Variants in DGKB observed in about 807,000 individuals in gnomAD.
The protein encoded by DGKB is diacylglycerol kinase beta.
DGKB carries 67 observed loss-of-function variants against 114.3 expected under a neutral mutation model. The ratio of observed to expected loss-of-function variants is 0.59; its 90% confidence interval spans 0.48 to 0.72. The LOEUF is 0.72. Among genes scored for constraint, DGKB ranks in the 30% least tolerant of loss-of-function variants. The pLI, the probability that DGKB is intolerant of heterozygous loss-of-function variation, is 0.00. For synonymous variants in DGKB, 398 were observed against 323.1 expected (o/e 1.23, Z -2.49); for missense variants, 907 against 975.2 (o/e 0.93, Z 0.93).
intron 25 of DGKB, among the ~76,000 whole-genome samples, chr7:14,153,768 G>A (rs1782572296): frequency 6.6e-6 from 1 of 151,916 alleles, no homozygotes; most frequent in Admixed American, 6.6e-5. Flanking sequence ...AAAAAAATAG[G>A]TCACTTACAG....
intron 20 of DGKB, among the ~76,000 whole-genome samples, chr7:14,507,506 G>T (rs1429256803): frequency 6.6e-6 from 1 of 152,068 alleles, no homozygotes; most frequent in African/African-American, 2.4e-5. Context: ...AAACCATAAA[G>T]TATATGAAGA....
chr7:14,357,255 A>G (rs546605652), intron 21 of DGKB, among the ~76,000 whole-genome samples: 1 of 152,202 alleles, frequency 6.6e-6, no homozygotes, highest in South Asian at 2.1e-4. Flanking sequence ...GTCTCTAAGG[A>G]CTTGCTTTAT....
chr7:14,432,657 A>G (rs1315672654), intron 21 of DGKB, among the ~76,000 whole-genome samples: 1 of 152,144 alleles, frequency 6.6e-6, no homozygotes, highest in Non-Finnish European at 1.5e-5. Flanking sequence ...GATCTCTAAG[A>G]GTGGATCCAT....
At chr7:14,516,902 A>G (rs375116562) in intron 20 of DGKB, among the ~76,000 whole-genome samples, 1 of 152,132 alleles carries the variant, frequency 6.6e-6, no homozygotes, top group East Asian at 1.9e-4. Flanking sequence ...TACAGATTCA[A>G]TACTATTCCT....
chr7:14,857,223 TCTCTCTC>T, intron 1 of DGKB, among the ~76,000 whole-genome samples: 1 of 136,892 alleles, frequency 7.3e-6, no homozygotes, highest in Non-Finnish European at 1.6e-5. Flanking sequence ...TCTCTCTCTC[TCTCTCTC>T]TTCCACCCAA....
In DGKB at chr7:14,750,630, A is replaced by C. The variant is rs1280116462; in HGVS notation, c.168+3298T>G. Among the ~76,000 whole-genome samples, 6 of 151,952 alleles carry C rather than the reference A, an allele frequency of 3.9e-5. 1 individual carries two copies. The highest frequency in any genetic ancestry group is 3.9e-4 in the Admixed American group (6 of 15,240). On this transcript the variant is annotated intron_variant, in intron 4 of 25. Coordinates refer to ENST00000402815, the MANE Select transcript of DGKB (RefSeq NM_001350709.2). ...CATTGCTACTGGAGGTATTTTTCTA[A>C]ATAGAGAATTTAACTTGTTCACCTA...
intron 5 of DGKB, among the ~76,000 whole-genome samples, chr7:14,723,247 G>A (rs915090894): frequency 2.6e-5 from 4 of 152,114 alleles, no homozygotes; most frequent in African/African-American, 9.7e-5. Context: ...ACATGAAATA[G>A]TAAGTGAGAT....
chr7:14,357,884 G>T (rs1814890832), intron 21 of DGKB, among the ~76,000 whole-genome samples: 1 of 152,100 alleles, frequency 6.6e-6, no homozygotes, highest in African/African-American at 2.4e-5. Flanking sequence ...ATGAAATTCT[G>T]GGTTGAAAAT....
At chr7:14,698,367 C>G (rs1824464461) in intron 7 of DGKB, among the ~76,000 whole-genome samples, 198 bp from the exon 8 acceptor site, 2 of 152,030 alleles carry the variant, frequency 1.3e-5, no homozygotes, top group South Asian at 2.1e-4. Context: ...ATAAATTTAT[C>G]TTGTACATTG....
intron 21 of DGKB, among the ~76,000 whole-genome samples, chr7:14,452,317 T>C (rs752505119): frequency 6.6e-6 from 1 of 152,068 alleles, no homozygotes; most frequent in Non-Finnish European, 1.5e-5. Flanking sequence ...ACCAGGGTAA[T>C]TACCTAGAAT....
chr7:14,682,826 A>T lies in DGKB; in HGVS notation c.845T>A (p.Val282Asp). 1 of 1,593,514 alleles carries T rather than the reference A, an allele frequency of 6.3e-7. No homozygotes were observed. The highest frequency in any genetic ancestry group is 8.6e-7 in the Non-Finnish European group (1 of 1,168,930). The change falls in exon 11 of 26, where the codon GTC becomes GAC. Residue 282 changes from valine to aspartate, a missense_variant. Coordinates refer to ENST00000402815, the MANE Select transcript of DGKB (RefSeq NM_001350709.2). ...TGCTCGAGCCACACAGCGCTCATGG[A>T]CTGTGTACTTGCAGACTGAAAGGAA... is the stretch of plus-strand genomic sequence containing the variant. The part of the protein sequence containing the change: ...GLCCSFCKYT[V>D]HERCVARAPP...
rs188886232 is a variant in DGKB at position 14,917,432 on chromosome 7, C to G, written c.-188+57264G>C. Among the ~76,000 whole-genome samples, 18 of 151,854 alleles carry G rather than the reference C, an allele frequency of 1.2e-4. No homozygotes were observed. The East Asian group carries it at 3.5e-3, about 29-fold the overall frequency. On this transcript the variant is annotated intron_variant, in intron 1 of 4. Transcript: ENST00000437998. Reference sequence around the variant, plus strand: ...AGATGCAAATTACTAACATCTGTAGCAAAATAGAGGTCATCACTGATCCCA... The same window carrying G: ...AGATGCAAATTACTAACATCTGTAGGAAAATAGAGGTCATCACTGATCCCA...
At chr7:14,744,607 T>C (rs1282955980) in intron 4 of DGKB, among the ~76,000 whole-genome samples, 2 of 152,220 alleles carry the variant, frequency 1.3e-5, no homozygotes, top group African/African-American at 2.4e-5. Flanking sequence ...AGATTCCTTA[T>C]GGAACAGAAT....
At chr7:14,328,420 A>G (rs1051010522) in intron 23 of DGKB, among the ~76,000 whole-genome samples, 3 of 152,192 alleles carry the variant, frequency 2.0e-5, no homozygotes, top group African/African-American at 7.2e-5. Flanking sequence ...CAGTATTAAT[A>G]GTTAGCTTTG....
At chr7:14,619,063 T>G (rs1390945258) in intron 15 of DGKB, among the ~76,000 whole-genome samples, 1 of 151,702 alleles carries the variant, frequency 6.6e-6, no homozygotes, top group South Asian at 2.1e-4. Flanking sequence ...TCTCCAAAAC[T>G]ATGTGGCTAT....
intron 2 of DGKB, among the ~76,000 whole-genome samples, chr7:14,758,936 CATAG>C (rs1225534234): frequency 6.1e-5 from 7 of 115,494 alleles, no homozygotes; most frequent in Admixed American, 3.3e-4. Context: ...TAGATAGATA[CATAG>C]ATAGATAGAG....
At chr7:14,554,788 T>C (rs2128653105) in intron 20 of DGKB, among the ~76,000 whole-genome samples, 1 of 152,248 alleles carries the variant, frequency 6.6e-6, no homozygotes, top group African/African-American at 2.4e-5. Flanking sequence ...CATTGTTAAC[T>C]AAAAATATTA....
intron 4 of DGKB, among the ~76,000 whole-genome samples, chr7:14,749,736 T>C (rs1833850758): frequency 6.6e-6 from 1 of 152,146 alleles, no homozygotes; most frequent in Non-Finnish European, 1.5e-5. Context: ...AACACACACA[T>C]AAATCCTCTA....
At chr7:14,804,070 G>GGT (rs34964846) in intron 2 of DGKB, among the ~76,000 whole-genome samples, 20,136 of 146,464 alleles carry the variant, frequency 0.14, 1,720 homozygotes, top group African/African-American at 0.25. Flanking sequence ...TCACTTTTTG[G>GGT]GTGTGTGTGT....
Sources: allele counts gnomAD v4.1 joint callset (sites outside exome capture counted in the v4.1 genomes callset), GRCh38; gene constraint gnomAD v4.1.1; transcripts MANE v1.5; gene names NCBI Gene and HGNC (gene_info 2026-07-23, HGNC 2026-07-21).